GAB2: variants seen among roughly 807,000 people sequenced by gnomAD.
GAB2 encodes the protein GRB2-associated-binding protein 2.
Under a neutral mutation model 65.5 loss-of-function variants are expected in GAB2, and 26 were observed. The observed-to-expected ratio is 0.40, with a 90% CI of 0.29 to 0.55. The LOEUF (loss-of-function observed/expected upper bound fraction) is 0.55. Among genes scored for constraint, GAB2 ranks in the 20% least tolerant of loss-of-function variants. The pLI is 0.53. For missense variants in GAB2, 884 were observed against 875.8 expected, an observed-to-expected ratio of 1.01 and a Z score of -0.12; for synonymous variants, 321 against 329.6, an observed-to-expected ratio of 0.97 and a Z score of 0.28.
intron 3 of GAB2, among the ~76,000 whole-genome samples, chr11:78,242,996 C>G (rs552124421): frequency 1.3e-5 from 2 of 152,000 alleles, no homozygotes; most frequent in East Asian, 1.9e-4. Flanking sequence ...AACTCCGTCT[C>G]TACTAAAAAT....
chr11:78,237,699 T>C (rs192955352), intron 3 of GAB2, among the ~76,000 whole-genome samples: 148 of 151,636 alleles, frequency 9.8e-4, no homozygotes, highest in African/African-American at 3.4e-3. Flanking sequence ...GAGAAAAGGA[T>C]TGGAAAAAAA....
chr11:78,386,434 AGGCAG>A (rs1318699167), intron 1 of GAB2, among the ~76,000 whole-genome samples: 3 of 152,340 alleles, frequency 2.0e-5, no homozygotes, highest in Middle Eastern at 6.8e-3. Flanking sequence ...ATGATGAAGG[AGGCAG>A]TCTTGGCCCT....
Position 78,417,633 on chromosome 11 carries a change from C to T in GAB2, c.75+13G>A. 2 of 1,346,310 alleles carry T rather than the reference C, an allele frequency of 1.5e-6. No individual in the cohort carries two copies. Among genetic ancestry groups the T allele is most frequent in the Non-Finnish European group, 2.0e-6 (2 of 1,023,378 alleles). The allele number at this position is 1,346,310 out of a possible 1,614,324, so 83.4% of individuals were successfully genotyped here. On this transcript the variant is annotated intron_variant, in intron 1 of 9. Transcript: ENST00000361507. ...CCCCCCGCCCGCCCCTGGGCGGCCGCGCCCGCACTCACATAGCGCCTCAAC... is the reference window on the plus strand; with the variant it reads ...CCCCCCGCCCGCCCCTGGGCGGCCGTGCCCGCACTCACATAGCGCCTCAAC...
intron 1 of GAB2, among the ~76,000 whole-genome samples, chr11:78,352,130 T>C (rs573790748): frequency 6.6e-6 from 1 of 152,174 alleles, no homozygotes; most frequent in Non-Finnish European, 1.5e-5. Flanking sequence ...GGAGAATCAC[T>C]TGAATCCGGG....
At chr11:78,292,685 T>C (rs1427025367) in intron 1 of GAB2, among the ~76,000 whole-genome samples, 3 of 152,202 alleles carry the variant, frequency 2.0e-5, no homozygotes, top group South Asian at 2.1e-4. Flanking sequence ...CAGTTACACA[T>C]TTTTGAAGGC....
intron 1 of GAB2, among the ~76,000 whole-genome samples, chr11:78,309,258 T>C (rs1855436841): frequency 6.6e-6 from 1 of 152,140 alleles, no homozygotes; most frequent in Non-Finnish European, 1.5e-5. Flanking sequence ...TGCAATACAA[T>C]CTACCCTTTA....
At chr11:78,262,524 A>T (rs1367307579) in intron 2 of GAB2, among the ~76,000 whole-genome samples, 1 of 152,120 alleles carries the variant, frequency 6.6e-6, no homozygotes, top group East Asian at 1.9e-4. Context: ...AGGGTACAAA[A>T]ATGGGGTCAG....
chr11:78,374,486 C>T (rs536937644), intron 1 of GAB2, among the ~76,000 whole-genome samples: 67 of 152,246 alleles, frequency 4.4e-4, no homozygotes, highest in Admixed American at 4.6e-4. Flanking sequence ...AGTCCTAGTG[C>T]CAATTCTGCT....
intron 1 of GAB2, among the ~76,000 whole-genome samples, chr11:78,413,351 A>G (rs1857153392): frequency 6.6e-6 from 1 of 152,226 alleles, no homozygotes; most frequent in Non-Finnish European, 1.5e-5. Flanking sequence ...TAGCAAAGGA[A>G]ATATAGAGTA....
chr11:78,303,533 T>C (rs1418596946), intron 1 of GAB2, among the ~76,000 whole-genome samples: 1 of 152,240 alleles, frequency 6.6e-6, no homozygotes, highest in African/African-American at 2.4e-5. Flanking sequence ...ATTTTTCATA[T>C]ATGTCAGTAT....
At chr11:78,390,945 T>A (rs571298226) in intron 1 of GAB2, among the ~76,000 whole-genome samples, 1 of 152,224 alleles carries the variant, frequency 6.6e-6, no homozygotes, top group Non-Finnish European at 1.5e-5. Context: ...CTTGACCAAG[T>A]AAGATTTCCA....
intron 1 of GAB2, among the ~76,000 whole-genome samples, chr11:78,367,985 T>C (rs1186905236): frequency 2.0e-5 from 3 of 151,334 alleles, no homozygotes; most frequent in East Asian, 3.9e-4. Context: ...CCCGGCTAAT[T>C]TTTTGTATTT....
At chr11:78,407,349 A>C (rs1857058122) in intron 1 of GAB2, among the ~76,000 whole-genome samples, 1 of 151,978 alleles carries the variant, frequency 6.6e-6, no homozygotes, top group Non-Finnish European at 1.5e-5. Context: ...AAAAGATGGG[A>C]GCTGGTCGTG....
chr11:78,338,623 A>T (rs1371963571), intron 1 of GAB2, among the ~76,000 whole-genome samples: 1 of 152,214 alleles, frequency 6.6e-6, no homozygotes, highest in Non-Finnish European at 1.5e-5. Context: ...AACAGAATTC[A>T]ATCCCATTTC....
At chr11:78,412,553 T>C (rs1857143103) in intron 1 of GAB2, among the ~76,000 whole-genome samples, 1 of 152,174 alleles carries the variant, frequency 6.6e-6, no homozygotes, top group Non-Finnish European at 1.5e-5. Context: ...AAAAATCCTA[T>C]CATGATGGAA....
At chr11:78,375,779 G>A (rs1321233748) in intron 1 of GAB2, among the ~76,000 whole-genome samples, 6 of 152,182 alleles carry the variant, frequency 3.9e-5, no homozygotes, top group African/African-American at 1.4e-4. Flanking sequence ...GTTACAGAGT[G>A]CTCTTCAGAT....
chr11:78,279,260 C>T (rs767237211), intron 2 of GAB2, among the ~76,000 whole-genome samples: 2 of 152,028 alleles, frequency 1.3e-5, no homozygotes, highest in Non-Finnish European at 2.9e-5. Flanking sequence ...AAAATGAAAA[C>T]GCAGAACTTC....
chr11:78,222,041 C>G, intron 7 of GAB2, 64 bp downstream of exon 7: 1 of 1,040,900 alleles, frequency 9.6e-7, no homozygotes, highest in South Asian at 1.3e-5. Context: ...AGGCCAGCTA[C>G]CACATCACTC....
Position 78,215,775 on chromosome 11 carries a change from C to G in GAB2, c.*3497G>C, listed in dbSNP as rs1051853882. On this transcript the variant is annotated 3_prime_UTR_variant, in exon 10 of 10. Coordinates refer to ENST00000361507, the MANE Select transcript of GAB2 (RefSeq NM_080491.3). ...GGCTAGTCCCAGAAAGACGACCCCC[C>G]ACGGAAGGGCTTTAGCGCTCCTGAG... 4 of 152,528 alleles carry G rather than the reference C, an allele frequency of 2.6e-5. No individual in the cohort carries two copies. Among genetic ancestry groups the G allele is most frequent in the Non-Finnish European group, 4.4e-5 (3 of 68,050 alleles). 9.4% of individuals were successfully genotyped at this position (152,528 alleles called of 1,614,324 possible).
Sources: gnomAD v4.1 joint callset for allele counts (sites outside exome capture counted in the v4.1 genomes callset) on GRCh38, gnomAD v4.1.1 for gene constraint, MANE v1.5 for transcripts, NCBI Gene and HGNC (gene_info 2026-07-23, HGNC 2026-07-21) for gene names.